Variants in PPFIBP2 observed in about 807,000 individuals in gnomAD.
PPFIBP2 encodes PPFIB scaffold protein 2.
Under a neutral mutation model 118.3 loss-of-function variants are expected in PPFIBP2, and 118 were observed. That is an observed-to-expected ratio of 1.00 (90% CI 0.86 to 1.16). The LOEUF (loss-of-function observed/expected upper bound fraction) is 1.16. PPFIBP2 is among the 50% of genes most tolerant of loss of function. PPFIBP2 has a pLI of 0.00. For synonymous variants in PPFIBP2, 414 were observed against 397.4 expected (o/e 1.04, Z -0.50); for missense variants, 1,195 against 1,073.1 (o/e 1.11, Z -1.59).
intron 2 of PPFIBP2, among the ~76,000 whole-genome samples, chr11:7,553,688 G>A (rs1200724361): frequency 6.6e-6 from 1 of 152,274 alleles, no homozygotes; most frequent in Admixed American, 6.5e-5. Flanking sequence ...ATTATTGTGA[G>A]GGTTGAATTA....
chr11:7,645,348 G>C lies in PPFIBP2; in HGVS notation c.1646+2922G>C, dbSNP rs145441608. Among the ~76,000 whole-genome samples, 809 of 152,242 alleles carry C rather than the reference G, an allele frequency of 5.3e-3. 7 individuals are homozygous for C. The highest frequency in any genetic ancestry group is 0.019 in the African/African-American group (778 of 41,534). On this transcript the variant is annotated intron_variant, in intron 17 of 23. Coordinates refer to ENST00000299492, the MANE Select transcript of PPFIBP2 (RefSeq NM_003621.5). ...CTTCTACTTCCCATTGTGCCGATTC[G>C]CTCAGTGCTCTGTACTCACTAATGA... is the stretch of plus-strand genomic sequence containing the variant.
At chr11:7,596,239 G>A (rs78949448) in intron 4 of PPFIBP2, among the ~76,000 whole-genome samples, 1 of 152,208 alleles carries the variant, frequency 6.6e-6, no homozygotes, top group Non-Finnish European at 1.5e-5. Context: ...CTGGATTCCA[G>A]TGAGCAAAGC....
At chr11:7,623,308 G>C (rs4090286) in intron 7 of PPFIBP2, among the ~76,000 whole-genome samples, 24,673 of 152,114 alleles carry the variant, frequency 0.16, 2,390 homozygotes, top group East Asian at 0.49. Flanking sequence ...GGGACCCAGA[G>C]CATCCGTCTC....
intron 13 of PPFIBP2, 91 bp downstream of exon 13, chr11:7,634,643 C>T (rs1181718145): frequency 2.4e-5 from 23 of 944,058 alleles, no homozygotes; most frequent in Middle Eastern, 4.3e-4. Flanking sequence ...CTGGTCCCTA[C>T]CTTGTAGAGG....
intron 1 of PPFIBP2, 129 bp downstream of exon 1, chr11:7,514,250 T>A (rs911737099): frequency 6.6e-6 from 1 of 152,284 alleles, no homozygotes; most frequent in African/African-American, 2.4e-5. Flanking sequence ...TCAGTGTCTC[T>A]GTGAGCCCCG....
At chr11:7,633,922 G>A (rs1238254084) in intron 12 of PPFIBP2, among the ~76,000 whole-genome samples, 1 of 152,190 alleles carries the variant, frequency 6.6e-6, no homozygotes, top group East Asian at 1.9e-4. Context: ...TGGTGGCATT[G>A]CCTCTTGACA....
intron 3 of PPFIBP2, among the ~76,000 whole-genome samples, chr11:7,578,223 C>T (rs6578883): frequency 0.4 from 60,436 of 152,030 alleles, 12,361 homozygotes; most frequent in Middle Eastern, 0.47. Context: ...AAGGAATGAA[C>T]GGACGTTGGG....
At chr11:7,606,886 A>ATCTTTTT (rs1763557851) in intron 5 of PPFIBP2, among the ~76,000 whole-genome samples, 1 of 51,352 alleles carries the variant, frequency 1.9e-5, no homozygotes, top group Non-Finnish European at 3.7e-5. Context: ...AACTGCATGA[A>ATCTTTTT]TTTTTTTTTT....
At chr11:7,665,780 T>TGTCA in the PPFIBP2 span, 8 of 1,447,086 alleles carry the variant, frequency 5.5e-6, no homozygotes, top group Admixed American at 6.1e-5. Context: ...TGCTGCTGTC[T>TGTCA]GTCAGCTGTC....
chr11:7,572,513 A>G (rs1855765437), intron 3 of PPFIBP2, among the ~76,000 whole-genome samples: 1 of 152,250 alleles, frequency 6.6e-6, no homozygotes, highest in East Asian at 1.9e-4. Flanking sequence ...CTGGTGAAAG[A>G]GCAAATAAAT....
intron 1 of PPFIBP2, among the ~76,000 whole-genome samples, chr11:7,533,340 C>G (rs985170633): frequency 9.9e-5 from 15 of 152,182 alleles, no homozygotes; most frequent in African/African-American, 3.6e-4. Flanking sequence ...GCCAAGGTTA[C>G]ATGCCCAGCC....
At chr11:7,611,331 T>A (rs1181393325) in intron 6 of PPFIBP2, among the ~76,000 whole-genome samples, 1 of 126,044 alleles carries the variant, frequency 7.9e-6, no homozygotes, top group Non-Finnish European at 1.8e-5. Flanking sequence ...GCACCTGGTA[T>A]GTCTTCATCT....
intron 2 of PPFIBP2, 36 bp downstream of exon 2, chr11:7,549,575 C>T: frequency 6.7e-7 from 1 of 1,490,514 alleles, no homozygotes; most frequent in Non-Finnish European, 8.9e-7. Flanking sequence ...AAGGTCTCAT[C>T]CTCCACATTC....
At chr11:7,582,010 G>A (rs1396377322) in intron 3 of PPFIBP2, among the ~76,000 whole-genome samples, 1 of 152,028 alleles carries the variant, frequency 6.6e-6, no homozygotes, top group Non-Finnish European at 1.5e-5. Context: ...CTAATTTTTT[G>A]TATTTTTAGT....
intron 3 of PPFIBP2, among the ~76,000 whole-genome samples, chr11:7,581,285 C>T (rs986939694): frequency 1.2e-4 from 18 of 152,246 alleles, no homozygotes; most frequent in African/African-American, 4.1e-4. Flanking sequence ...CGAGCAGGGT[C>T]TGTGGGACCC....
chr11:7,620,293 C>G (rs550545615), intron 6 of PPFIBP2, among the ~76,000 whole-genome samples: 3 of 152,268 alleles, frequency 2.0e-5, no homozygotes, highest in Admixed American at 6.5e-5. Flanking sequence ...CACTGTGTGC[C>G]TACACCCTCA....
At chr11:7,556,581 TTTTG>T (rs1282807974) in intron 2 of PPFIBP2, among the ~76,000 whole-genome samples, 2 of 152,258 alleles carry the variant, frequency 1.3e-5, no homozygotes, top group Non-Finnish European at 1.5e-5. Context: ...GTTGATAGCA[TTTTG>T]TTTAACAGTT....
chr11:7,531,489 A>C (rs906304741), intron 1 of PPFIBP2, among the ~76,000 whole-genome samples: 3 of 152,208 alleles, frequency 2.0e-5, no homozygotes, highest in African/African-American at 7.2e-5. Context: ...AAGAATACAG[A>C]TAAAGGAATA....
intron 7 of PPFIBP2, among the ~76,000 whole-genome samples, chr11:7,624,079 C>T (rs1849669576): frequency 6.6e-6 from 1 of 152,176 alleles, no homozygotes; most frequent in South Asian, 2.1e-4. Flanking sequence ...TATGGTCATC[C>T]CTGTCCCATT....
Sources: gnomAD v4.1 joint callset for allele counts (sites outside exome capture counted in the v4.1 genomes callset) on GRCh38, gnomAD v4.1.1 for gene constraint, MANE v1.5 for transcripts, NCBI Gene and HGNC (gene_info 2026-07-23, HGNC 2026-07-21) for gene names.